SNX11: variants seen among roughly 807,000 people sequenced by gnomAD.
SNX11 encodes the protein sorting nexin-11.
SNX11 carries 19 observed loss-of-function variants against 30.7 expected under a neutral mutation model. That is an observed-to-expected ratio of 0.62 (90% CI 0.43 to 0.91). SNX11 has a LOEUF of 0.91. Among genes scored for constraint, SNX11 ranks in the 40% least tolerant of loss-of-function variants. SNX11 has a pLI of 0.00. For synonymous variants in SNX11, 112 were observed against 119.0 expected (o/e 0.94, Z 0.38); for missense variants, 302 against 326.7 (o/e 0.92, Z 0.58).
chr17:48,114,565 C>T (rs997831863), intron 4 of SNX11, among the ~76,000 whole-genome samples: 2 of 149,130 alleles, frequency 1.3e-5, no homozygotes, highest in African/African-American at 5.0e-5. Flanking sequence ...TCAAGCAGTT[C>T]TCTGCCTCAG....
Position 48,112,102 on chromosome 17 carries a change from C to A in SNX11, c.42+17C>A. ...GAACAGGAGGTAAGAGTATGGTCTG[C>A]AGAGAACAGGTGGGTAAAAGTTGGA... On this transcript the variant is annotated intron_variant, in intron 2 of 6. Coordinates refer to ENST00000359238, the MANE Select transcript of SNX11 (RefSeq NM_013323.3). 6.2e-7 allele frequency: 1 copy of A among 1,611,998 alleles called. No homozygotes were observed. Among genetic ancestry groups the A allele is most frequent in the Non-Finnish European group, 8.5e-7 (1 of 1,178,198 alleles).
At chr17:48,117,188 G>A (rs530159154) in intron 4 of SNX11, among the ~76,000 whole-genome samples, 2 of 150,438 alleles carry the variant, frequency 1.3e-5, no homozygotes, top group African/African-American at 4.9e-5. Context: ...CCGAGTAGCT[G>A]GGGATTACAG....
rs555408953 is a variant in SNX11, at chr17:48,122,372, T to C, written c.*864T>C. ...GCCTCCAGGGCTTCCGCCACCAGCG[T>C]CTCTGCTGTGTTGCGCAGTGCAGTG... On this transcript the variant is annotated 3_prime_UTR_variant, in exon 7 of 7. Transcript: ENST00000359238. 6.5e-6 allele frequency: 1 copy of C among 153,652 alleles called. No individual in the cohort carries two copies. The highest frequency in any genetic ancestry group is 2.4e-5 in the African/African-American group (1 of 41,588). The allele number at this position is 153,652 out of a possible 1,614,324, so 9.5% of individuals were successfully genotyped here. A position where few individuals can be genotyped will look rare whatever the true frequency, so the allele number is the denominator to read the frequency against.
chr17:48,116,345 T>C (rs1444480675), intron 4 of SNX11, among the ~76,000 whole-genome samples: 1 of 152,090 alleles, frequency 6.6e-6, no homozygotes, highest in Non-Finnish European at 1.5e-5. Flanking sequence ...GCCTCCCAAG[T>C]AGCTGGGACT....
chr17:48,119,297 A>G (rs1421479611), intron 6 of SNX11, 111 bp downstream of exon 6: 4 of 861,620 alleles, frequency 4.6e-6, no homozygotes, highest in South Asian at 3.1e-5. Flanking sequence ...GCCTTTCACA[A>G]CCTTTCTTGT....
Position 48,118,767 on chromosome 17 carries a change from G to T in SNX11, c.294G>T (p.Lys98Asn), listed in dbSNP as rs1242167544. The T allele has an allele frequency of 1.2e-6, 2 of 1,614,130 alleles. No homozygotes were observed. The highest frequency in any genetic ancestry group is 2.7e-5 in the African/African-American group (2 of 75,040). ...FFGTSDEFIEKRRQGLQHFLE... is the reference protein window; with the variant it reads ...FFGTSDEFIENRRQGLQHFLE... ...GCACCTCAGATGAGTTCATTGAGAA[G>T]CGACGACAAGGTCTGCAGCACTTCC... The change falls in exon 5 of 7, where the codon AAG becomes AAT. Residue 98 changes from lysine to asparagine, a missense_variant. By Grantham distance (94) the Lys-to-Asn change is moderately conservative. Coordinates refer to ENST00000359238, the MANE Select transcript of SNX11 (RefSeq NM_013323.3).
intron 4 of SNX11, among the ~76,000 whole-genome samples, chr17:48,115,281 C>T (rs140109858): frequency 1.2e-3 from 182 of 151,276 alleles, no homozygotes; most frequent in African/African-American, 4.3e-3. Flanking sequence ...AGGCTGGTCT[C>T]GAACTCCCAA....
chr17:48,115,087 A>G (rs772314914), intron 4 of SNX11, among the ~76,000 whole-genome samples: 15 of 125,466 alleles, frequency 1.2e-4, no homozygotes, highest in African/African-American at 1.9e-4. Context: ...TTTGAGACGG[A>G]GTCTCACTCT....
At chr17:48,118,543 A>C (rs2063567034) in intron 4 of SNX11, among the ~76,000 whole-genome samples, 161 bp from the exon 5 acceptor site, 1 of 149,090 alleles carries the variant, frequency 6.7e-6, no homozygotes, top group African/African-American at 2.5e-5. Flanking sequence ...GTACCACTGC[A>C]CTTCAGCCTG....
At position 48,121,447 on chromosome 17, in the gene SNX11, T is replaced by G; in HGVS notation, c.752T>G (p.Val251Gly). 1.2e-6 allele frequency: 2 copies of G among 1,614,156 alleles called. No individual in the cohort carries two copies. Among genetic ancestry groups the G allele is most frequent in the Non-Finnish European group, 1.7e-6 (2 of 1,180,034 alleles). Reference protein sequence around the residue: ...TSTLQSVRRAVGGDHAVPLDP... With the variant: ...TSTLQSVRRAGGGDHAVPLDP... ...ACTCTTCAGTCTGTGAGGAGGGCTG[T>G]GGGAGGAGATCATGCTGTGCCTTTG... The change falls in exon 7 of 7, where the codon GTG becomes GGG. Residue 251 changes from valine to glycine, a missense_variant. By Grantham distance (109) the Val-to-Gly change is moderately radical. Transcript: ENST00000359238.
At position 48,118,888 on chromosome 17, in the gene SNX11, G is replaced by T. The variant is rs1263383620; in HGVS notation, c.327-86G>T. The T allele has an allele frequency of 3.2e-6, 5 of 1,556,292 alleles. No homozygotes were observed. The African/African-American group carries it at 5.4e-5, about 17-fold the overall frequency. The stretch of plus-strand genomic sequence containing the variant: ...AGGCAGGATGGAGCTCCCTGCTCAG[G>T]TAGCCAGAAGTTCTTAAGAGGATGG... On this transcript the variant is annotated intron_variant, in intron 5 of 6. Coordinates refer to ENST00000359238, the MANE Select transcript of SNX11 (RefSeq NM_013323.3).
intron 2 of SNX11, 67 bp downstream of exon 2, chr17:48,112,152 C>T (rs780146669): frequency 1.5e-6 from 2 of 1,341,338 alleles, no homozygotes; most frequent in South Asian, 2.3e-5. Context: ...GGAAAGAGGA[C>T]ATAGAGATGC....
rs1456976790 is a variant in SNX11, at chr17:48,122,660, T to C, written c.*1152T>C. The C allele has an allele frequency of 6.6e-6, 1 of 152,258 alleles. No individual in the cohort carries two copies. The highest frequency in any genetic ancestry group is 1.5e-5 in the Non-Finnish European group (1 of 68,080). The allele number at this position is 152,258 out of a possible 1,614,324, so 9.4% of individuals were successfully genotyped here. A position where few individuals can be genotyped will look rare whatever the true frequency, so the allele number is the denominator to read the frequency against. On this transcript the variant is annotated 3_prime_UTR_variant, in exon 7 of 7. Coordinates refer to ENST00000359238, the MANE Select transcript of SNX11 (RefSeq NM_013323.3). Reference sequence around the variant, plus strand: ...TATCCTACCCTGTCTGTGGGCTCTTTTACTACCAGCCTATGCTGTGGGACT... The same window carrying C: ...TATCCTACCCTGTCTGTGGGCTCTTCTACTACCAGCCTATGCTGTGGGACT...
At chr17:48,116,010 A>G (rs1475537175) in intron 4 of SNX11, among the ~76,000 whole-genome samples, 1 of 146,962 alleles carries the variant, frequency 6.8e-6, no homozygotes, top group African/African-American at 2.5e-5. Flanking sequence ...GCTCACGCCC[A>G]GCACTTTGGG....
chr17:48,121,462 C>T lies in SNX11; in HGVS notation c.767C>T (p.Ala256Val). Residue 256 changes from alanine (A) to valine (V), a missense_variant, in exon 7 of 7, where the codon GCT (alanine) becomes GTT (valine). Physicochemically the swap from Ala to Val is moderately conservative, Grantham distance 64. Coordinates refer to ENST00000359238, the MANE Select transcript of SNX11 (RefSeq NM_013323.3). ...AGGAGGGCTGTGGGAGGAGATCATG[C>T]TGTGCCTTTGGACCCTGGTCAGTTA... ...SVRRAVGGDH[A>V]VPLDPGQLET... The T allele has an allele frequency of 6.2e-7, 1 of 1,614,086 alleles. No homozygotes were observed. The highest frequency in any genetic ancestry group is 8.5e-7 in the Non-Finnish European group (1 of 1,180,036).
intron 6 of SNX11, among the ~76,000 whole-genome samples, chr17:48,120,809 C>T (rs1477090274): frequency 6.6e-6 from 1 of 151,868 alleles, no homozygotes; most frequent in Non-Finnish European, 1.5e-5. Flanking sequence ...CACGCCCGGC[C>T]TCTTTTTTAT....
At chr17:48,115,943 CT>C (rs34017840) in intron 4 of SNX11, among the ~76,000 whole-genome samples, 84,221 of 130,060 alleles carry the variant, frequency 0.65, 26,785 homozygotes, top group Admixed American at 0.74. Context: ...CTTTTTCTTT[CT>C]TTTTTTTTTT....
At chr17:48,116,496 G>C (rs2063547003) in intron 4 of SNX11, among the ~76,000 whole-genome samples, 2 of 151,962 alleles carry the variant, frequency 1.3e-5, no homozygotes, top group Non-Finnish European at 2.9e-5. Context: ...TGGGATTACA[G>C]TTGTGAGCCA....
In SNX11 at chr17:48,113,352, C is replaced by T. The variant is rs147076627; in HGVS notation, c.181C>T (p.Arg61Cys). 8 of 1,613,562 alleles carry T rather than the reference C, an allele frequency of 5.0e-6. No homozygotes were observed. Among genetic ancestry groups the T allele is most frequent in the Middle Eastern group, 1.6e-4 (1 of 6,084 alleles). Reference protein sequence around the residue: ...AKTSCVRRRYREFVWLRKQLQ... With the variant: ...AKTSCVRRRYCEFVWLRKQLQ... ...GACTTCCTGTGTGCGGCGCCGCTAC[C>T]GTGAGTTCGTGTGGCTGAGAAAGCA... The change falls in exon 4 of 7, where the codon CGT (arginine) becomes TGT (cysteine). Residue 61 changes from arginine to cysteine, a missense_variant. Physicochemically the swap from Arg to Cys is radical, Grantham distance 180. Coordinates refer to ENST00000359238, the MANE Select transcript of SNX11 (RefSeq NM_013323.3).
Sources: allele counts gnomAD v4.1 joint callset (sites outside exome capture counted in the v4.1 genomes callset), GRCh38; gene constraint gnomAD v4.1.1; transcripts MANE v1.5; gene names NCBI Gene and HGNC (gene_info 2026-07-23, HGNC 2026-07-21).